Variants in CCDC80 observed in about 807,000 individuals in gnomAD.
CCDC80 encodes coiled-coil domain-containing protein 80.
Under a neutral mutation model 78.7 loss-of-function variants are expected in CCDC80, and 49 were observed. The observed-to-expected ratio is 0.62, with a 90% CI of 0.50 to 0.79. CCDC80 has a LOEUF of 0.79. Among genes scored for constraint, CCDC80 ranks in the 30% least tolerant of loss-of-function variants. The pLI is 0.00. For synonymous variants in CCDC80, 488 were observed against 447.0 expected (o/e 1.09, Z -1.16); for missense variants, 1,205 against 1,198.6 (o/e 1.01, Z -0.08).
intron 3 of CCDC80, among the ~76,000 whole-genome samples, chr3:112,620,144 A>G (rs868022868): frequency 1.3e-5 from 2 of 152,254 alleles, no homozygotes; most frequent in South Asian, 4.1e-4. Context: ...AAGATGTTAT[A>G]ATTTGAGTAC....
chr3:112,606,813 T>C (rs1935522150), intron 7 of CCDC80, among the ~76,000 whole-genome samples: 1 of 152,144 alleles, frequency 6.6e-6, no homozygotes, highest in Admixed American at 6.5e-5. Context: ...CAATGAGATA[T>C]GACCTATGTG....
At chr3:112,605,907 G>C in intron 7 of CCDC80, 144 bp from the exon 8 acceptor site, 1 of 707,954 alleles carries the variant, frequency 1.4e-6, no homozygotes, top group Non-Finnish European at 2.3e-6. Context: ...AAAGAAGTTT[G>C]CTGGGGCTTT....
At position 112,597,243 on chromosome 3, in the gene CCDC80, T is replaced by C. The variant is rs1037485217; in HGVS notation, c.*8174A>G. On this transcript the variant is annotated 3_prime_UTR_variant, in exon 8 of 8. Coordinates refer to ENST00000206423, the MANE Select transcript of CCDC80 (RefSeq NM_199511.3). ...ATTAAACCATAGTCTTCATATACCT[T>C]TACCACGCCTCCTTCCTCCAATTAG... 1 of 152,152 alleles carries C rather than the reference T, an allele frequency of 6.6e-6. No homozygotes were observed. The highest frequency in any genetic ancestry group is 6.6e-5 in the Admixed American group (1 of 15,264). 9.4% of individuals were successfully genotyped at this position (152,152 alleles called of 1,614,324 possible). A position where few individuals can be genotyped will look rare whatever the true frequency, so the allele number is the denominator to read the frequency against.
rs1163077370 is a variant in CCDC80, at chr3:112,639,426, C to T, written c.480G>A (p.Ser160=). The change falls in exon 2 of 8, where the codon TCG becomes TCA. Residue 160 remains serine, a synonymous_variant. Transcript: ENST00000206423. ...RVWVISAPHA[S]EGYYRLMMSL... Reference sequence around the variant, plus strand: ...TCATCATGAGGCGGTAGTAGCCTTCCGAGGCATGAGGGGCTGAGATGACCC... The same window carrying T: ...TCATCATGAGGCGGTAGTAGCCTTCTGAGGCATGAGGGGCTGAGATGACCC... 4 of 1,614,148 alleles carry T rather than the reference C, an allele frequency of 2.5e-6. No individual in the cohort carries two copies. Among genetic ancestry groups the T allele is most frequent in the Admixed American group, 1.7e-5 (1 of 60,020 alleles).
In CCDC80 at chr3:112,639,662, C is replaced by T. The variant is rs1936301221; in HGVS notation, c.244G>A (p.Val82Met). ...TCTGTTGGGCGAGCTAGTCTCAACA[C>T]GGGCACACTCCTCCTTCTCTGGAGA... ...QPLQRRRSVP[V>M]LRLARPTEPP... is the part of the protein sequence containing the mutation. The change falls in exon 2 of 8, where the codon GTG becomes ATG. Residue 82 changes from valine (V) to methionine (M), a missense_variant. Coordinates refer to ENST00000206423, the MANE Select transcript of CCDC80 (RefSeq NM_199511.3). The T allele has an allele frequency of 6.2e-7, 1 of 1,614,138 alleles. No homozygotes were observed. Among genetic ancestry groups the T allele is most frequent in the Non-Finnish European group, 8.5e-7 (1 of 1,180,030 alleles).
intron 3 of CCDC80, among the ~76,000 whole-genome samples, chr3:112,624,063 G>A (rs1488305457): frequency 6.6e-6 from 1 of 152,052 alleles, no homozygotes; most frequent in East Asian, 1.9e-4. Flanking sequence ...GTAATCACTA[G>A]AACTCTCCCA....
At position 112,604,309 on chromosome 3, in the gene CCDC80, G is replaced by A. The variant is rs904000815; in HGVS notation, c.*1108C>T. On this transcript the variant is annotated 3_prime_UTR_variant, in exon 8 of 8. Transcript: ENST00000206423. ...ATCTTTCATGAAGAAAAAGTCAATC[G>A]AAGTGGCAAACTTCATTGCTGTCTT... is the stretch of plus-strand genomic sequence containing the variant. 1 of 152,056 alleles carries A rather than the reference G, an allele frequency of 6.6e-6. No homozygotes were observed. Among genetic ancestry groups the A allele is most frequent in the Non-Finnish European group, 1.5e-5 (1 of 68,024 alleles). The allele number at this position is 152,056 out of a possible 1,614,324, so 9.4% of individuals were successfully genotyped here.
chr3:112,607,388 G>GAA (rs1278665305), intron 6 of CCDC80, 132 bp from the exon 7 acceptor site: 10 of 524,088 alleles, frequency 1.9e-5, no homozygotes, highest in Admixed American at 7.7e-5. Context: ...CGATTGAGAA[G>GAA]AATAATCCAT....
rs768633315 is a variant in CCDC80, at chr3:112,639,042, G to A, written c.864C>T (p.Gly288=). The A allele has an allele frequency of 3.7e-6, 6 of 1,611,128 alleles. No homozygotes were observed. The highest frequency in any genetic ancestry group is 2.2e-5 in the East Asian group (1 of 44,834). Residue 288 remains glycine (G), a synonymous_variant, in exon 2 of 8, where the codon GGC becomes GGT. Transcript: ENST00000206423. ...VQKCKASGVE[G]QVVAEGNDGG... ...CGTCATTCCCCTCCGCCACCACCTG[G>A]CCCTCTACACCAGAGGCCTTACATT...
chr3:112,608,288 G>C (rs886864507), intron 6 of CCDC80, among the ~76,000 whole-genome samples: 1 of 152,282 alleles, frequency 6.6e-6, no homozygotes, highest in Non-Finnish European at 1.5e-5. Flanking sequence ...AGAGAAAAGT[G>C]AACACTGCCA....
At position 112,639,128 on chromosome 3, in the gene CCDC80, C is replaced by T. The variant is rs771930162; in HGVS notation, c.778G>A (p.Val260Ile). 9.3e-6 allele frequency: 15 copies of T among 1,614,186 alleles called. No individual in the cohort carries two copies. Among genetic ancestry groups the T allele is most frequent in the Admixed American group, 1.7e-5 (1 of 60,032 alleles). Residue 260 changes from valine to isoleucine, a missense_variant, in exon 2 of 8, where the codon GTC becomes ATC. Val to Ile is a conservative substitution (Grantham distance 29). Transcript: ENST00000206423. ...YPVRLEAMYE[V>I]IDQGPIRRIE... is the part of the protein sequence containing the mutation. ...CTACGGATGGGGCCTTGGTCGATGA[C>T]CTCGTACATGGCTTCCAGCCTAACG...
In CCDC80 at chr3:112,639,610, C is replaced by T; in HGVS notation, c.296G>A (p.Gly99Glu). ...TEPPARSDINGAAVRPEQRPA... is the reference protein window; with the variant it reads ...TEPPARSDINEAAVRPEQRPA... ...TCTTTGCTCAGGTCTCACGGCGGCCCCATTGATGTCCGAGCGGGCTGGCGG... is the reference window on the plus strand; with the variant it reads ...TCTTTGCTCAGGTCTCACGGCGGCCTCATTGATGTCCGAGCGGGCTGGCGG... The change falls in exon 2 of 8, where the codon GGG becomes GAG. Residue 99 changes from glycine to glutamate, a missense_variant. Coordinates refer to ENST00000206423, the MANE Select transcript of CCDC80 (RefSeq NM_199511.3). 6.2e-7 allele frequency: 1 copy of T among 1,614,138 alleles called. No individual in the cohort carries two copies. Among genetic ancestry groups the T allele is most frequent in the East Asian group, 2.2e-5 (1 of 44,876 alleles).
Position 112,638,198 on chromosome 3 carries a change from T to G in CCDC80, c.1708A>C (p.Lys570Gln). ...TGCTTGCTCTTTTTCTCAGACTTCT[T>G]CATTTGCTTTTCACTCTTAAGTAAC... ...DKLLKSEKQMKKSEKKSKQEK... is the reference protein window; with the variant it reads ...DKLLKSEKQMQKSEKKSKQEK... Residue 570 changes from lysine to glutamine, a missense_variant, in exon 2 of 8, where the codon AAG becomes CAG. By Grantham distance (53) the Lys-to-Gln change is moderately conservative. Transcript: ENST00000206423. The G allele has an allele frequency of 6.2e-7, 1 of 1,613,152 alleles. No homozygotes were observed. Among genetic ancestry groups the G allele is most frequent in the South Asian group, 1.1e-5 (1 of 91,052 alleles).
chr3:112,629,869 C>T (rs1001031068), intron 3 of CCDC80, among the ~76,000 whole-genome samples: 1 of 152,172 alleles, frequency 6.6e-6, no homozygotes, highest in African/African-American at 2.4e-5. Flanking sequence ...TTTCTTCCAC[C>T]TTACTGACTT....
At chr3:112,607,619 T>C (rs1479405980) in intron 6 of CCDC80, among the ~76,000 whole-genome samples, 1 of 152,084 alleles carries the variant, frequency 6.6e-6, no homozygotes, top group Non-Finnish European at 1.5e-5. Flanking sequence ...ACCCCGTCTC[T>C]ACTAACAATA....
At chr3:112,633,013 T>C (rs1936128634) in intron 2 of CCDC80, among the ~76,000 whole-genome samples, 1 of 152,202 alleles carries the variant, frequency 6.6e-6, no homozygotes, top group African/African-American at 2.4e-5. Flanking sequence ...TCGGTCCTAG[T>C]TCAGCTCCTG....
rs1290314638 is a variant in CCDC80 at position 112,604,735 on chromosome 3, C to CTG, written c.*680_*681dup. ...AGAACTCTGGAAGTATCGCCTTTGG[C>CTG]TGCAGTGCCAGATTCTGGTGAGGAT... On this transcript the variant is annotated 3_prime_UTR_variant, in exon 8 of 8. Transcript: ENST00000206423. The CTG allele has an allele frequency of 6.6e-6, 1 of 152,212 alleles. No individual in the cohort carries two copies. Among genetic ancestry groups the CTG allele is most frequent in the African/African-American group, 2.4e-5 (1 of 41,434 alleles). 9.4% of individuals were successfully genotyped at this position (152,212 alleles called of 1,614,324 possible).
In CCDC80 at chr3:112,597,833, T is replaced by C. The variant is rs1935307364; in HGVS notation, c.*7584A>G. ...CCTGCCAAACCCCCATAAAAACCCA[T>C]AATTGATGATACATATTAGTTTATA... is the stretch of plus-strand genomic sequence containing the variant. On this transcript the variant is annotated 3_prime_UTR_variant, in exon 8 of 8. Transcript: ENST00000206423. 6.6e-6 allele frequency: 1 copy of C among 152,218 alleles called. No homozygotes were observed. The highest frequency in any genetic ancestry group is 1.5e-5 in the Non-Finnish European group (1 of 68,058). 9.4% of individuals were successfully genotyped at this position (152,218 alleles called of 1,614,324 possible). A position where few individuals can be genotyped will look rare whatever the true frequency, so the allele number is the denominator to read the frequency against.
At chr3:112,610,867 A>G (rs758370605) in intron 5 of CCDC80, among the ~76,000 whole-genome samples, 1 of 150,086 alleles carries the variant, frequency 6.7e-6, no homozygotes, top group Non-Finnish European at 1.5e-5. Flanking sequence ...ATGTCACTCA[A>G]TTCACCAAAG....
Sources: allele counts gnomAD v4.1 joint callset (sites outside exome capture counted in the v4.1 genomes callset), GRCh38; gene constraint gnomAD v4.1.1; transcripts MANE v1.5; gene names NCBI Gene and HGNC (gene_info 2026-07-23, HGNC 2026-07-21).